The following ALG12 variants were observed in gnomAD, a reference collection of about 807,000 sequenced individuals.
ALG12 encodes dol-P-Man:Man(7)GlcNAc(2)-PP-Dol alpha-1,6-mannosyltransferase.
ALG12 carries 36 observed loss-of-function variants against 46.0 expected under a neutral mutation model. That is an observed-to-expected ratio of 0.78 (90% CI 0.60 to 1.03). The LOEUF (loss-of-function observed/expected upper bound fraction) is 1.03, where lower values mean the gene tolerates loss of function less well. ALG12 is among the 50% of genes least tolerant of loss of function. The probability of loss-of-function intolerance (pLI) is 0.00; values close to 1 mark genes in which losing one functional copy is unlikely to be tolerated. For synonymous variants in ALG12, 326 were observed against 291.6 expected (o/e 1.12, Z -1.20); for missense variants, 599 against 633.5 (o/e 0.95, Z 0.58).
the ALG12 span, among the ~76,000 whole-genome samples, chr22:49,893,888 G>A: frequency 6.6e-6 from 1 of 152,186 alleles, no homozygotes; most frequent in Non-Finnish European, 1.5e-5. Flanking sequence ...TCTGGGCCAG[G>A]TGCAGTGGCT....
At chr22:49,884,266 A>G in the ALG12 span, 1 of 1,610,520 alleles carries the variant, frequency 6.2e-7, no homozygotes, top group Non-Finnish European at 8.5e-7. Context: ...CCTCAGCACC[A>G]TCCTCTCACC....
chr22:49,909,243 C>G lies in ALG12; in HGVS notation c.768+1G>C. On this transcript the variant is annotated splice_donor_variant, in intron 6 of 9. Transcript: ENST00000330817. LOFTEE classifies it high-confidence loss of function. Reference sequence around the variant, plus strand: ...CCTCCTGCACGGACACTGAAGGATACCCCCCAGTTGGAGCTTTTGTTCAGG... The same window carrying G: ...CCTCCTGCACGGACACTGAAGGATAGCCCCCAGTTGGAGCTTTTGTTCAGG... 1.2e-6 allele frequency: 2 copies of G among 1,613,416 alleles called. No individual in the cohort carries two copies. Among genetic ancestry groups the G allele is most frequent in the Non-Finnish European group, 1.7e-6 (2 of 1,179,306 alleles).
the ALG12 span, among the ~76,000 whole-genome samples, chr22:49,872,128 C>T: frequency 6.6e-6 from 1 of 152,182 alleles, no homozygotes; most frequent in Non-Finnish European, 1.5e-5. Context: ...ACATTTTACC[C>T]ACAGTAGAAC....
At chr22:49,862,245 C>T in the ALG12 span, among the ~76,000 whole-genome samples, 1 of 152,148 alleles carries the variant, frequency 6.6e-6, no homozygotes, top group South Asian at 2.1e-4. Flanking sequence ...ACGCTTCTGC[C>T]GCAAAGTCGC....
intron 6 of ALG12, among the ~76,000 whole-genome samples, chr22:49,908,824 C>T (rs982557282): frequency 6.7e-5 from 10 of 149,992 alleles, no homozygotes; most frequent in Non-Finnish European, 1.3e-4. Context: ...TGGTGGCGTG[C>T]GCCTATAGTC....
At chr22:49,885,967 C>T in the ALG12 span, 102 of 712,620 alleles carry the variant, frequency 1.4e-4, no homozygotes, top group African/African-American at 1.6e-3. Flanking sequence ...CTGCTCGGCG[C>T]TGTTGGACGT....
At chr22:49,918,029 C>CCAGGTGGGAGGT (rs2060627868) in intron 1 of ALG12, 2 of 158,512 alleles carry the variant, frequency 1.3e-5, no homozygotes, top group African/African-American at 2.5e-5. Context: ...AGGTCCGGCC[C>CCAGGTGGGAGGT]CCGGGTGAGA....
At chr22:49,899,989 T>C (rs1200754558), downstream of ALG12, among the ~76,000 whole-genome samples, 70 of 151,978 alleles carry the variant, frequency 4.6e-4, no homozygotes, top group Admixed American at 4.6e-3. Context: ...CGAGACCCCA[T>C]CTCTTCAAGA....
the ALG12 span, among the ~76,000 whole-genome samples, chr22:49,895,154 C>G: frequency 3.3e-5 from 5 of 152,190 alleles, no homozygotes; most frequent in Non-Finnish European, 1.5e-5. Context: ...TTATAGGGCT[C>G]TGTGGCTGTA....
At chr22:49,891,421 G>T in the ALG12 span, among the ~76,000 whole-genome samples, 1 of 152,256 alleles carries the variant, frequency 6.6e-6, no homozygotes, top group East Asian at 1.9e-4. Flanking sequence ...TTAATCGTCA[G>T]TCCTCTTTAA....
the ALG12 span, chr22:49,883,971 C>T: frequency 6.2e-7 from 1 of 1,613,404 alleles, no homozygotes; most frequent in South Asian, 1.1e-5. Flanking sequence ...AGGCCGTGAC[C>T]CAGAGCCTCC....
intron 5 of ALG12, 139 bp from the exon 6 acceptor site, chr22:49,909,486 A>G: frequency 2.3e-6 from 2 of 867,680 alleles, no homozygotes; most frequent in Non-Finnish European, 3.8e-6. Context: ...AGATTGCTGG[A>G]GCCTAGGAGT....
the ALG12 span, among the ~76,000 whole-genome samples, chr22:49,869,133 A>G: frequency 4.6e-5 from 7 of 151,780 alleles, no homozygotes; most frequent in East Asian, 1.9e-4. Flanking sequence ...AAAAAAAAAA[A>G]AAAAGAAAAA....
the ALG12 span, among the ~76,000 whole-genome samples, chr22:49,870,852 T>C: frequency 1.8e-3 from 268 of 152,280 alleles, 1 homozygote; most frequent in African/African-American, 6.3e-3. Context: ...TCAATTTTTG[T>C]TTCTGTTACA....
At chr22:49,895,673 G>C (rs2060480972), downstream of ALG12, among the ~76,000 whole-genome samples, 2 of 150,066 alleles carry the variant, frequency 1.3e-5, no homozygotes, top group South Asian at 4.2e-4. Context: ...AAAAAAAAAA[G>C]TGGTGCTGTA....
At chr22:49,911,277 T>C (rs902093204) in intron 3 of ALG12, among the ~76,000 whole-genome samples, 1 of 152,162 alleles carries the variant, frequency 6.6e-6, no homozygotes, top group African/African-American at 2.4e-5. Context: ...GAGAAGCAAC[T>C]GGGTCCAGGC....
At chr22:49,907,513 C>T (rs1246495467) in intron 7 of ALG12, among the ~76,000 whole-genome samples, 1 of 152,192 alleles carries the variant, frequency 6.6e-6, no homozygotes, top group African/African-American at 2.4e-5. Context: ...TGGCTCACAC[C>T]TGCAATCCCA....
chr22:49,869,560 T>A, the ALG12 span, among the ~76,000 whole-genome samples: 1 of 152,242 alleles, frequency 6.6e-6, no homozygotes, highest in African/African-American at 2.4e-5. Flanking sequence ...TTGGCTCTCA[T>A]TTTTCACAGC....
At chr22:49,882,942 T>TCTAG in the ALG12 span, among the ~76,000 whole-genome samples, 1 of 152,224 alleles carries the variant, frequency 6.6e-6, no homozygotes, top group Non-Finnish European at 1.5e-5. Flanking sequence ...TATCAGGTCT[T>TCTAG]CTAGCAAGGA....
Sources: allele counts gnomAD v4.1 joint callset (sites outside exome capture counted in the v4.1 genomes callset), GRCh38; gene constraint gnomAD v4.1.1; transcripts MANE v1.5; gene names NCBI Gene and HGNC (gene_info 2026-07-23, HGNC 2026-07-21).